CUL5: variants seen among roughly 807,000 people sequenced by gnomAD.
The protein encoded by CUL5 is cullin 5.
CUL5 carries 26 observed loss-of-function variants against 108.8 expected under a neutral mutation model. The observed-to-expected ratio is 0.24, with a 90% CI of 0.18 to 0.33. The LOEUF (loss-of-function observed/expected upper bound fraction) is 0.33. Among genes scored for constraint, CUL5 ranks in the 10% least tolerant of loss-of-function variants. CUL5 has a pLI of 1.00. For missense variants in CUL5, 524 were observed against 909.2 expected, an observed-to-expected ratio of 0.58 and a Z score of 5.45; for synonymous variants, 334 against 298.0, an observed-to-expected ratio of 1.12 and a Z score of -1.25.
intron 16 of CUL5, among the ~76,000 whole-genome samples, chr11:108,097,227 G>A (rs1021869609): frequency 6.6e-6 from 1 of 152,172 alleles, no homozygotes; most frequent in African/African-American, 2.4e-5. Flanking sequence ...TGTTGCCCAG[G>A]CTGGTTTCAG....
intron 1 of CUL5, among the ~76,000 whole-genome samples, chr11:108,016,591 A>G (rs911681145): frequency 1.3e-5 from 2 of 152,146 alleles, no homozygotes; most frequent in African/African-American, 4.8e-5. Context: ...GTCCTGGTGA[A>G]CCCAGTTGTC....
At chr11:108,068,874 C>T (rs1325651962) in intron 7 of CUL5, among the ~76,000 whole-genome samples, 1 of 152,170 alleles carries the variant, frequency 6.6e-6, no homozygotes, top group Non-Finnish European at 1.5e-5. Flanking sequence ...CCCAACCACC[C>T]ACTCCTTACC....
At chr11:108,045,733 C>T (rs1409263024) in intron 2 of CUL5, among the ~76,000 whole-genome samples, 2 of 152,148 alleles carry the variant, frequency 1.3e-5, no homozygotes, top group Non-Finnish European at 2.9e-5. Context: ...TGGTGGCATG[C>T]TCCTATAGTA....
At position 108,074,979 on chromosome 11, in the gene CUL5, T is replaced by C. The variant is rs548425029; in HGVS notation, c.1113+1482T>C. Among the ~76,000 whole-genome samples the C allele has an allele frequency of 3.9e-5, 6 of 152,062 alleles. No individual in the cohort carries two copies. The South Asian group carries it at 1.2e-3, about 32-fold the overall frequency. ...GCCATGGGAAGGAGTTAGTTTTTAC[T>C]GTGAGTAGGATGGGAAGTCATTTAA... On this transcript the variant is annotated intron_variant, in intron 10 of 18. Coordinates refer to ENST00000393094, the MANE Select transcript of CUL5 (RefSeq NM_003478.6).
intron 2 of CUL5, among the ~76,000 whole-genome samples, chr11:108,036,715 GT>G (rs1190834934): frequency 6.6e-6 from 1 of 152,216 alleles, no homozygotes; most frequent in African/African-American, 2.4e-5. Context: ...TGACCTCAAA[GT>G]TACCTGCCCA....
intron 1 of CUL5, among the ~76,000 whole-genome samples, chr11:108,027,255 C>T (rs1862473954): frequency 2.0e-5 from 3 of 150,578 alleles, no homozygotes; most frequent in South Asian, 4.2e-4. Flanking sequence ...GGATTATAGG[C>T]GCCACCATGC....
chr11:108,036,175 A>G (rs751291552), intron 2 of CUL5, among the ~76,000 whole-genome samples: 6 of 152,092 alleles, frequency 3.9e-5, no homozygotes, highest in Non-Finnish European at 8.8e-5. Flanking sequence ...CCATCTGGAG[A>G]TTTCGTTTGT....
chr11:108,041,720 A>T (rs1045306039), intron 2 of CUL5, among the ~76,000 whole-genome samples: 1 of 151,882 alleles, frequency 6.6e-6, no homozygotes, highest in African/African-American at 2.4e-5. Context: ...CCTCCCAAGT[A>T]TCTGGGATTA....
chr11:108,075,933 C>T (rs975867689), intron 10 of CUL5, among the ~76,000 whole-genome samples: 74 of 152,292 alleles, frequency 4.9e-4, no homozygotes, highest in African/African-American at 1.7e-3. Flanking sequence ...GACATAGTTA[C>T]TCATTTTCTT....
At chr11:108,079,306 A>G (rs778809337) in intron 11 of CUL5, among the ~76,000 whole-genome samples, 1 of 152,156 alleles carries the variant, frequency 6.6e-6, no homozygotes, top group Non-Finnish European at 1.5e-5. Context: ...GGGTTTCGCC[A>G]TATTGGCCAG....
chr11:108,048,331 A>T (rs367987153), intron 3 of CUL5, among the ~76,000 whole-genome samples: 1 of 152,086 alleles, frequency 6.6e-6, no homozygotes, highest in African/African-American at 2.4e-5. Context: ...TTATTTGTTC[A>T]CAATTCTGTG....
intron 1 of CUL5, among the ~76,000 whole-genome samples, chr11:108,031,843 A>G (rs1353189094): frequency 6.6e-6 from 1 of 152,236 alleles, no homozygotes; most frequent in Non-Finnish European, 1.5e-5. Context: ...GCAGCCATAA[A>G]AAAGAACAAG....
At chr11:108,086,740 A>G (rs982639625) in intron 11 of CUL5, among the ~76,000 whole-genome samples, 2 of 152,134 alleles carry the variant, frequency 1.3e-5, no homozygotes, top group Non-Finnish European at 2.9e-5. Flanking sequence ...ACAATTACCC[A>G]TTCCCAGTTT....
At chr11:108,098,349 A>G in intron 17 of CUL5, 57 bp from the exon 18 acceptor site, 1 of 1,464,998 alleles carries the variant, frequency 6.8e-7, no homozygotes, top group Non-Finnish European at 9.3e-7. Context: ...TTGTTGCTAT[A>G]ATAGGATTTT....
chr11:108,095,810 T>G, intron 16 of CUL5, 119 bp downstream of exon 16: 1 of 961,502 alleles, frequency 1.0e-6, no homozygotes, highest in South Asian at 1.7e-5. Flanking sequence ...TCAAGAAAAA[T>G]AGAGGCCGGG....
At chr11:108,048,747 A>G (rs1591297727) in intron 3 of CUL5, among the ~76,000 whole-genome samples, 3 of 143,904 alleles carry the variant, frequency 2.1e-5, no homozygotes, top group Admixed American at 7.1e-5. Flanking sequence ...GCTCACTACA[A>G]CCTCCGCCTC....
chr11:108,047,216 C>CT (rs1457056338), intron 3 of CUL5, among the ~76,000 whole-genome samples: 3 of 152,040 alleles, frequency 2.0e-5, no homozygotes, highest in Admixed American at 2.0e-4. Context: ...ACTCGAGAGG[C>CT]TGAGGCAGGA....
intron 1 of CUL5, among the ~76,000 whole-genome samples, chr11:108,009,871 C>T (rs528649744): frequency 6.6e-6 from 1 of 152,138 alleles, no homozygotes; most frequent in Non-Finnish European, 1.5e-5. Context: ...CACTCCACCC[C>T]CCTTCCTCCC....
chr11:108,025,880 T>G (rs56695504), intron 1 of CUL5, among the ~76,000 whole-genome samples: 1,537 of 152,282 alleles, frequency 0.01, 32 homozygotes, highest in African/African-American at 0.035. Context: ...CCCCTCCTTG[T>G]GATGAGGCCT....
Sources: gnomAD v4.1 joint callset for allele counts (sites outside exome capture counted in the v4.1 genomes callset) on GRCh38, gnomAD v4.1.1 for gene constraint, MANE v1.5 for transcripts, NCBI Gene and HGNC (gene_info 2026-07-23, HGNC 2026-07-21) for gene names.